The following CMTM7 variants were observed in gnomAD, a reference collection of about 807,000 sequenced individuals.
CMTM7 encodes the protein CKLF-like MARVEL transmembrane domain-containing protein 7.
Under a neutral mutation model 19.3 loss-of-function variants are expected in CMTM7, and 7 were observed. The ratio of observed to expected loss-of-function variants is 0.36; its 90% CI spans 0.21 to 0.68. The LOEUF (loss-of-function observed/expected upper bound fraction) is 0.68, where lower values mean the gene tolerates loss of function less well. CMTM7 is among the 30% of genes least tolerant of loss of function. The pLI is 0.60. For synonymous variants in CMTM7, 87 were observed against 99.3 expected, an observed-to-expected ratio of 0.88 and a Z score of 0.74; for missense variants, 193 against 232.6, an observed-to-expected ratio of 0.83 and a Z score of 1.11.
chr3:32,411,319 T>G (rs1336388964), intron 1 of CMTM7, among the ~76,000 whole-genome samples: 2 of 152,210 alleles, frequency 1.3e-5, no homozygotes, highest in Admixed American at 1.3e-4. Context: ...TTAGATTTAA[T>G]TAAATATAAA....
At chr3:32,408,668 T>C (rs2125623911) in intron 1 of CMTM7, among the ~76,000 whole-genome samples, 1 of 152,300 alleles carries the variant, frequency 6.6e-6, no homozygotes, top group African/African-American at 2.4e-5. Flanking sequence ...AGATGATGAA[T>C]AAAGTATCCC....
chr3:32,412,113 G>T (rs792678), intron 1 of CMTM7, among the ~76,000 whole-genome samples: 1 of 151,982 alleles, frequency 6.6e-6, no homozygotes, highest in East Asian at 1.9e-4. Flanking sequence ...GCCAACATCC[G>T]CACCATAGCT....
At chr3:32,413,681 G>A (rs1696214223) in intron 1 of CMTM7, among the ~76,000 whole-genome samples, 1 of 152,138 alleles carries the variant, frequency 6.6e-6, no homozygotes, top group African/African-American at 2.4e-5. Context: ...AGCCATTTAG[G>A]AACCCCAGCA....
chr3:32,425,887 T>A (rs1575117908), intron 1 of CMTM7, among the ~76,000 whole-genome samples: 2 of 152,206 alleles, frequency 1.3e-5, no homozygotes, highest in African/African-American at 4.8e-5. Context: ...GGCTCACGCC[T>A]GTAATCCTAG....
At chr3:32,411,908 G>C (rs897375793) in intron 1 of CMTM7, among the ~76,000 whole-genome samples, 2 of 152,016 alleles carry the variant, frequency 1.3e-5, no homozygotes, top group Non-Finnish European at 2.9e-5. Context: ...CCTAATGCAC[G>C]GGAAGGGGCA....
chr3:32,402,850 A>G (rs1028336958), intron 1 of CMTM7, among the ~76,000 whole-genome samples: 18 of 152,238 alleles, frequency 1.2e-4, no homozygotes, highest in African/African-American at 4.3e-4. Flanking sequence ...GGCGTGAGCC[A>G]CTATGGCCGG....
At chr3:32,417,482 G>A (rs1696284793) in intron 1 of CMTM7, among the ~76,000 whole-genome samples, 1 of 152,210 alleles carries the variant, frequency 6.6e-6, no homozygotes, top group African/African-American at 2.4e-5. Flanking sequence ...TCTGTTTCCA[G>A]ATTTTGGCGA....
At chr3:32,440,984 G>T (rs1011236522) in intron 1 of CMTM7, among the ~76,000 whole-genome samples, 3 of 152,192 alleles carry the variant, frequency 2.0e-5, no homozygotes, top group African/African-American at 7.2e-5. Context: ...TCAGTAGCAG[G>T]CCGTTAAGCA....
At position 32,455,331 on chromosome 3, in the gene CMTM7, C is replaced by T. The variant is rs894125983; in HGVS notation, c.*1077C>T. ...CATTTTTAGAAATGAAATCGGGGCT[C>T]CATCCCCAGGCACAGGGCAAGCCAG... On this transcript the variant is annotated 3_prime_UTR_variant, in exon 5 of 5. Coordinates refer to ENST00000334983, the MANE Select transcript of CMTM7 (RefSeq NM_138410.4). 6.6e-6 allele frequency: 1 copy of T among 152,270 alleles called. No homozygotes were observed. The highest frequency in any genetic ancestry group is 1.5e-5 in the Non-Finnish European group (1 of 68,094). 9.4% of individuals were successfully genotyped at this position (152,270 alleles called of 1,614,324 possible). A position where few individuals can be genotyped will look rare whatever the true frequency, so the allele number is the denominator to read the frequency against.
chr3:32,403,931 ACTC>A (rs553039836), intron 1 of CMTM7, among the ~76,000 whole-genome samples: 100 of 151,722 alleles, frequency 6.6e-4, no homozygotes, highest in South Asian at 3.5e-3. Context: ...AGTGGGGAAA[ACTC>A]CTCACTGGGG....
At chr3:32,407,370 GA>G (rs1429666649) in intron 1 of CMTM7, among the ~76,000 whole-genome samples, 2 of 151,986 alleles carry the variant, frequency 1.3e-5, no homozygotes, top group East Asian at 1.9e-4. Context: ...CAAGGGAAGG[GA>G]AAAAAATGTT....
At chr3:32,403,916 G>A (rs1696048736) in intron 1 of CMTM7, among the ~76,000 whole-genome samples, 1 of 152,130 alleles carries the variant, frequency 6.6e-6, no homozygotes, top group South Asian at 2.1e-4. Flanking sequence ...GATGAATTCA[G>A]CTGGAGTGGG....
At chr3:32,448,325 T>TA (rs1696781066) in intron 2 of CMTM7, among the ~76,000 whole-genome samples, 1 of 152,136 alleles carries the variant, frequency 6.6e-6, no homozygotes, top group Admixed American at 6.5e-5. Flanking sequence ...TTCTAGTCAC[T>TA]AAGGGAGAAA....
At chr3:32,448,211 C>T (rs2125643132) in intron 2 of CMTM7, among the ~76,000 whole-genome samples, 1 of 152,356 alleles carries the variant, frequency 6.6e-6, no homozygotes, top group South Asian at 2.1e-4. Flanking sequence ...TGCCCCATGT[C>T]ATCCTCCTCT....
intron 1 of CMTM7, among the ~76,000 whole-genome samples, chr3:32,401,886 G>T (rs981925311): frequency 1.3e-5 from 2 of 152,182 alleles, no homozygotes; most frequent in African/African-American, 4.8e-5. Context: ...GCTGGGACGC[G>T]GTCACTGCTC....
intron 1 of CMTM7, among the ~76,000 whole-genome samples, chr3:32,429,118 A>T (rs1202456430): frequency 6.6e-6 from 1 of 152,198 alleles, no homozygotes; most frequent in Non-Finnish European, 1.5e-5. Context: ...ACACTGCTCG[A>T]ATTGCTTATT....
At chr3:32,417,043 A>G (rs1222883648) in intron 1 of CMTM7, among the ~76,000 whole-genome samples, 1 of 152,216 alleles carries the variant, frequency 6.6e-6, no homozygotes, top group African/African-American at 2.4e-5. Flanking sequence ...CATCTATTCA[A>G]AGTGACAATT....
intron 1 of CMTM7, among the ~76,000 whole-genome samples, chr3:32,429,664 G>C (rs920843853): frequency 2.0e-5 from 3 of 149,356 alleles, no homozygotes; most frequent in African/African-American, 7.4e-5. Context: ...GCAGTGGCGC[G>C]ATCTTGGCTC....
At chr3:32,422,072 T>G (rs565173096) in intron 1 of CMTM7, among the ~76,000 whole-genome samples, 64 of 152,318 alleles carry the variant, frequency 4.2e-4, no homozygotes, top group Non-Finnish European at 6.3e-4. Context: ...CTTCCTCTGA[T>G]GGAAGGCAAG....
Sources: allele counts gnomAD v4.1 joint callset (sites outside exome capture counted in the v4.1 genomes callset), GRCh38; gene constraint gnomAD v4.1.1; transcripts MANE v1.5; gene names NCBI Gene and HGNC (gene_info 2026-07-23, HGNC 2026-07-21).